MCCC1: variants seen among roughly 807,000 people sequenced by gnomAD.
MCCC1 encodes the protein methylcrotonoyl-CoA carboxylase subunit alpha, mitochondrial.
A neutral mutation model predicts 83.8 loss-of-function variants in MCCC1; 64 were observed. That is an observed-to-expected ratio of 0.76 (90% CI 0.62 to 0.94). The LOEUF (loss-of-function observed/expected upper bound fraction) is 0.94. Among genes scored for constraint, MCCC1 ranks in the 40% least tolerant of loss-of-function variants. The probability of loss-of-function intolerance (pLI) is 0.00; values close to 1 mark genes in which losing one functional copy is unlikely to be tolerated. For missense variants in MCCC1, 807 were observed against 904.7 expected (o/e 0.89, Z 1.39); for synonymous variants, 322 against 315.4 (o/e 1.02, Z -0.22).
rs759707763 is a variant in MCCC1 at position 183,057,390 on chromosome 3, T to C, written c.794A>G (p.His265Arg). 8.7e-6 allele frequency: 14 copies of C among 1,609,462 alleles called. 1 individual carries two copies. The South Asian group carries it at 1.6e-4, about 18-fold the overall frequency. The part of the protein sequence containing the change: ...HVEVQVFGDH[H>R]GNAVYLFERD... ...TTCAAACAAGTACACAGCATTGCCA[T>C]GGTGATCACCAAACACCTGGACTTC... Residue 265 changes from histidine to arginine, a missense_variant, in exon 8 of 19, where the codon CAT (histidine) becomes CGT (arginine). Coordinates refer to ENST00000265594, the MANE Select transcript of MCCC1 (RefSeq NM_020166.5).
chr3:183,074,714 G>T (rs1442782117), intron 4 of MCCC1, among the ~76,000 whole-genome samples: 1 of 152,112 alleles, frequency 6.6e-6, no homozygotes, highest in Non-Finnish European at 1.5e-5. Flanking sequence ...TTAAACCAAA[G>T]TTCAATTTTA....
chr3:183,024,207 G>A (rs1373785952), intron 15 of MCCC1, among the ~76,000 whole-genome samples: 1 of 152,098 alleles, frequency 6.6e-6, no homozygotes, highest in African/African-American at 2.4e-5. Context: ...CCAAGATCAT[G>A]CCATTGCACT....
intron 4 of MCCC1, among the ~76,000 whole-genome samples, chr3:183,085,869 G>A (rs1019271741): frequency 1.3e-5 from 2 of 152,004 alleles, no homozygotes; most frequent in African/African-American, 4.8e-5. Flanking sequence ...TCTCCTCACC[G>A]CCGGGAAGCG....
intron 7 of MCCC1, among the ~76,000 whole-genome samples, chr3:183,062,901 C>T (rs1432233211): frequency 1.3e-5 from 2 of 152,124 alleles, no homozygotes; most frequent in African/African-American, 2.4e-5. Context: ...TGCCAGAGTA[C>T]GGCCAGAGAG....
upstream of MCCC1, among the ~76,000 whole-genome samples, chr3:183,101,535 A>G (rs1490468948): frequency 6.6e-6 from 1 of 150,782 alleles, no homozygotes; most frequent in African/African-American, 2.4e-5. Flanking sequence ...GTATCTAACT[A>G]ATCTGATGGG....
intron 13 of MCCC1, among the ~76,000 whole-genome samples, chr3:183,034,346 G>A (rs754585529): frequency 5.9e-5 from 9 of 151,634 alleles, no homozygotes; most frequent in South Asian, 2.1e-4. Flanking sequence ...AGCTACTCTG[G>A]AGGCTGAGGC....
intron 1 of MCCC1, among the ~76,000 whole-genome samples, chr3:183,106,614 T>C (rs1719411486): frequency 6.6e-6 from 1 of 152,042 alleles, no homozygotes; most frequent in Non-Finnish European, 1.5e-5. Context: ...TTCTACTGCC[T>C]CAGCCTCCTG....
At chr3:183,044,354 C>T (rs1199181067) in intron 10 of MCCC1, among the ~76,000 whole-genome samples, 1 of 152,130 alleles carries the variant, frequency 6.6e-6, no homozygotes, top group African/African-American at 2.4e-5. Flanking sequence ...CTGGTTTACA[C>T]CAGTGCTTCT....
intron 4 of MCCC1, among the ~76,000 whole-genome samples, chr3:183,073,018 A>T (rs1376156826): frequency 2.0e-5 from 3 of 152,192 alleles, no homozygotes; most frequent in East Asian, 3.8e-4. Context: ...TCAAAATTCC[A>T]TTTGTTTTTA....
At position 183,020,190 on chromosome 3, in the gene MCCC1, A is replaced by G. The variant is rs1027703264; in HGVS notation, c.1917T>C (p.Ser639=). ...CGCCCTGAGTTTCTTGTGAGCTCAC[A>G]GAAGATAAGTATTTGGGGACTGGAA... ...IDIPVPKYLS[S]VSSQETQGGP... The change falls in exon 17 of 19, where the codon TCT becomes TCC. Residue 639 remains serine (S), a synonymous_variant. Transcript: ENST00000265594. 10 of 1,614,044 alleles carry G rather than the reference A, an allele frequency of 6.2e-6. No individual in the cohort carries two copies. Among genetic ancestry groups the G allele is most frequent in the Non-Finnish European group, 8.5e-6 (10 of 1,179,984 alleles).
rs727504002 is a variant in MCCC1, at chr3:183,037,285, GC to G, written c.1526del (p.Cys509SerfsTer14). 60 of 1,614,042 alleles carry G rather than the reference GC, an allele frequency of 3.7e-5. No homozygotes were observed. Among genetic ancestry groups the G allele is most frequent in the Non-Finnish European group, 5.0e-5 (59 of 1,180,050 alleles). On this transcript the variant is annotated frameshift_variant, in exon 13 of 19. Transcript: ENST00000265594. LOFTEE classifies it high-confidence loss of function. Reference sequence around the variant, plus strand: ...TGAGGATGAGACCCAGGGCTGCCTGGCATAAAGACTCTTTGGCTGCAGCCTT... The same window carrying G: ...TGAGGATGAGACCCAGGGCTGCCTGGATAAAGACTCTTTGGCTGCAGCCTT... Reference protein sequence around the residue: ...SRKAAAKESLCQAALGLILKE... With the variant: ...SRKAAAKESLXQAALGLILKE...
At chr3:183,114,465 G>C (rs971569335) in intron 1 of MCCC1, among the ~76,000 whole-genome samples, 1 of 152,120 alleles carries the variant, frequency 6.6e-6, no homozygotes. Flanking sequence ...ATCTGATGCT[G>C]TCTCCAGGCA....
intron 1 of MCCC1, 179 bp downstream of exon 1, chr3:183,099,173 T>A (rs1718964152): frequency 1.5e-6 from 1 of 670,198 alleles, no homozygotes; most frequent in East Asian, 2.7e-5. Context: ...GAAGGGCTGG[T>A]GGGGATGTCT....
At chr3:183,060,110 C>T (rs978038239) in intron 7 of MCCC1, among the ~76,000 whole-genome samples, 1 of 152,202 alleles carries the variant, frequency 6.6e-6, no homozygotes, top group East Asian at 1.9e-4. Context: ...TAACGTGTTA[C>T]ATCCTTTTAA....
chr3:183,071,855 C>G lies in MCCC1; in HGVS notation c.492-498G>C, dbSNP rs372258694. 3.4e-5 allele frequency among the ~76,000 whole-genome samples: 5 copies of G among 145,632 alleles called. No homozygotes were observed. The South Asian group carries it at 9.0e-4, about 26-fold the overall frequency. ...CAGCTGGGACTACAGGTGTGTGTCA[C>G]CATACCCAGCTGAATTTTTTTTTTT... On this transcript the variant is annotated intron_variant, in intron 5 of 18. Coordinates refer to ENST00000265594, the MANE Select transcript of MCCC1 (RefSeq NM_020166.5).
At chr3:183,074,338 CG>C (rs756857454) in intron 4 of MCCC1, among the ~76,000 whole-genome samples, 10 of 152,078 alleles carry the variant, frequency 6.6e-5, no homozygotes, top group Middle Eastern at 3.2e-3. Context: ...AAAGTAAACA[CG>C]CTGACAGCAA....
intron 8 of MCCC1, among the ~76,000 whole-genome samples, chr3:183,057,043 C>G (rs949252220): frequency 1.3e-5 from 2 of 152,184 alleles, no homozygotes; most frequent in South Asian, 4.1e-4. Context: ...GACAGCTTTT[C>G]GCTGTAAATC....
intron 7 of MCCC1, among the ~76,000 whole-genome samples, chr3:183,067,001 T>A (rs971962930): frequency 6.6e-6 from 1 of 152,266 alleles, no homozygotes; most frequent in Non-Finnish European, 1.5e-5. Flanking sequence ...CTTACGGCAA[T>A]ATAGTTATTT....
chr3:183,102,036 C>T (rs143519362), upstream of MCCC1, among the ~76,000 whole-genome samples: 1 of 152,276 alleles, frequency 6.6e-6, no homozygotes, highest in East Asian at 1.9e-4. Flanking sequence ...AGAGCTGTAA[C>T]ACTCACCGCG....
Sources: allele counts gnomAD v4.1 joint callset (sites outside exome capture counted in the v4.1 genomes callset), GRCh38; gene constraint gnomAD v4.1.1; transcripts MANE v1.5; gene names NCBI Gene and HGNC (gene_info 2026-07-23, HGNC 2026-07-21).